The following GRHL2 variants were observed in gnomAD, a reference collection of about 807,000 sequenced individuals.
GRHL2 encodes grainyhead like transcription factor 2.
GRHL2 carries 21 observed loss-of-function variants against 83.8 expected under a neutral mutation model. That is an observed-to-expected ratio of 0.25 (90% CI 0.18 to 0.36). The LOEUF (loss-of-function observed/expected upper bound fraction) is 0.36, where lower values mean the gene tolerates loss of function less well. Among genes scored for constraint, GRHL2 ranks in the 10% least tolerant of loss-of-function variants. GRHL2 has a pLI of 1.00. For missense variants in GRHL2, 623 were observed against 781.8 expected (o/e 0.80, Z 2.42); for synonymous variants, 280 against 278.9 (o/e 1.00, Z -0.04).
chr8:101,633,434 G>T (rs984852901), intron 11 of GRHL2, among the ~76,000 whole-genome samples: 9 of 152,170 alleles, frequency 5.9e-5, no homozygotes, highest in African/African-American at 1.9e-4. Context: ...ATTGACCTTG[G>T]TGTAGAAAGA....
At chr8:101,627,031 G>A (rs1219481414) in intron 9 of GRHL2, among the ~76,000 whole-genome samples, 2 of 152,016 alleles carry the variant, frequency 1.3e-5, no homozygotes, top group Non-Finnish European at 2.9e-5. Flanking sequence ...TTTTGTAGAA[G>A]GGCCACCATC....
chr8:101,658,434 C>A (rs77522693), intron 14 of GRHL2, among the ~76,000 whole-genome samples: 3,372 of 152,258 alleles, frequency 0.022, 130 homozygotes, highest in African/African-American at 0.076. Context: ...TGAGAGACAG[C>A]GCTCACAAAA....
chr8:101,581,605 T>C (rs1185212456), intron 7 of GRHL2, among the ~76,000 whole-genome samples: 4 of 152,184 alleles, frequency 2.6e-5, no homozygotes, highest in Admixed American at 2.0e-4. Flanking sequence ...GATGGCCCCA[T>C]ATTAGTTAGT....
rs201233752 is a variant in GRHL2 at position 101,524,794 on chromosome 8, CT to C, written c.21-18444del. Among the ~76,000 whole-genome samples, 470 of 151,522 alleles carry C rather than the reference CT, an allele frequency of 3.1e-3. 2 individuals carry two copies. The highest frequency in any genetic ancestry group is 0.011 in the African/African-American group (439 of 41,276). ...ATGGGTACTTAAAAAATAATACTGG[CT>C]TTAAAAAAAAAATCCAGTTTGAAAG... On this transcript the variant is annotated intron_variant, in intron 1 of 15. Coordinates refer to ENST00000646743, the MANE Select transcript of GRHL2 (RefSeq NM_024915.4).
chr8:101,667,681 G>A lies in GRHL2; in HGVS notation c.*978G>A, dbSNP rs3735715. On this transcript the variant is annotated 3_prime_UTR_variant, in exon 16 of 16. Transcript: ENST00000646743. ...CTTGACTTTCCCTTTGCGCTGTCTC[G>A]TGGGAAAGGTCATTCTGTCTGAGAC... is the stretch of plus-strand genomic sequence containing the variant. The A allele has an allele frequency of 0.45, 68,526 of 152,320 alleles. 18,772 individuals are homozygous for A. The highest frequency in any genetic ancestry group is 0.6 in the Non-Finnish European group (40,798 of 67,988). The allele number at this position is 152,320 out of a possible 1,614,324, so 9.4% of individuals were successfully genotyped here. A position where few individuals can be genotyped will look rare whatever the true frequency, so the allele number is the denominator to read the frequency against.
Position 101,666,835 on chromosome 8 carries a change from G to A in GRHL2, c.*132G>A. On this transcript the variant is annotated 3_prime_UTR_variant, in exon 16 of 16. Coordinates refer to ENST00000646743, the MANE Select transcript of GRHL2 (RefSeq NM_024915.4). ...ACTGCTGTTACAAGACCGTGCTGGG[G>A]AGTGGGGCAAGGGACAGGCCCCACT... 2.8e-6 allele frequency: 2 copies of A among 717,744 alleles called. No individual in the cohort carries two copies. The highest frequency in any genetic ancestry group is 5.1e-6 in the Non-Finnish European group (2 of 391,760). The allele number at this position is 717,744 out of a possible 1,614,324, so 44.5% of individuals were successfully genotyped here.
At chr8:101,614,440 G>C (rs1399660945) in intron 8 of GRHL2, among the ~76,000 whole-genome samples, 1 of 151,050 alleles carries the variant, frequency 6.6e-6, no homozygotes, top group Non-Finnish European at 1.5e-5. Context: ...AAACAAGTAA[G>C]AGAGGTTTTA....
chr8:101,566,609 T>A (rs1439191741), intron 4 of GRHL2, among the ~76,000 whole-genome samples: 1 of 148,082 alleles, frequency 6.8e-6, no homozygotes, highest in Non-Finnish European at 1.5e-5. Context: ...TATATTATTA[T>A]AATTAATATA....
chr8:101,594,654 C>T (rs1056504570), intron 7 of GRHL2, among the ~76,000 whole-genome samples: 4 of 152,192 alleles, frequency 2.6e-5, no homozygotes, highest in Admixed American at 2.6e-4. Flanking sequence ...GGAGACTGAA[C>T]ACAAAGGGTA....
intron 14 of GRHL2, among the ~76,000 whole-genome samples, chr8:101,654,537 G>C (rs553498251): frequency 6.6e-6 from 1 of 152,166 alleles, no homozygotes; most frequent in African/African-American, 2.4e-5. Flanking sequence ...AGGTGTAAAA[G>C]AAAGTCTGAA....
intron 12 of GRHL2, among the ~76,000 whole-genome samples, chr8:101,640,699 G>C (rs538307521): frequency 5.9e-5 from 9 of 152,116 alleles, no homozygotes; most frequent in Non-Finnish European, 8.8e-5. Flanking sequence ...TTGCAGCAAG[G>C]TCCCTTCAAG....
intron 8 of GRHL2, among the ~76,000 whole-genome samples, chr8:101,601,177 CACACACACACACCCCA>C (rs1812503770): frequency 4.0e-5 from 6 of 151,318 alleles, no homozygotes; most frequent in African/African-American, 1.2e-4. Context: ...CACACACACA[CACACACACACACCCCA>C]CCACCACCAC....
At position 101,601,157 on chromosome 8, in the gene GRHL2, T is replaced by TC. The variant is rs1337456753; in HGVS notation, c.1098+2006_1098+2007insC. Among the ~76,000 whole-genome samples, 3 of 72,764 alleles carry TC rather than the reference T, an allele frequency of 4.1e-5. No homozygotes were observed. In the East Asian group the frequency reaches 7.4e-4, roughly 18 times the overall value. 47.7% of individuals were successfully genotyped at this position (72,764 alleles called of 152,430 possible). On this transcript the variant is annotated intron_variant, in intron 8 of 15. Transcript: ENST00000646743. ...CCTGGGTAACAGTATGAGACTGTCT[T>TC]AAACACACACACACACACACACACA...
intron 14 of GRHL2, among the ~76,000 whole-genome samples, chr8:101,653,434 C>T (rs552676998): frequency 1.7e-4 from 26 of 152,242 alleles, no homozygotes; most frequent in Admixed American, 7.2e-4. Context: ...ACATAGTCCC[C>T]TACTCATTAC....
At chr8:101,640,895 A>G (rs1354626121) in intron 12 of GRHL2, among the ~76,000 whole-genome samples, 2 of 152,186 alleles carry the variant, frequency 1.3e-5, no homozygotes, top group Non-Finnish European at 2.9e-5. Context: ...AAGGCACACC[A>G]CATACCATGA....
At chr8:101,605,894 C>G (rs1287255827) in intron 8 of GRHL2, among the ~76,000 whole-genome samples, 1 of 152,168 alleles carries the variant, frequency 6.6e-6, no homozygotes, top group Non-Finnish European at 1.5e-5. Flanking sequence ...CTTCATTTCC[C>G]CCATCTCTCT....
intron 12 of GRHL2, among the ~76,000 whole-genome samples, chr8:101,639,277 G>T (rs369083316): frequency 2.0e-5 from 3 of 151,702 alleles, no homozygotes; most frequent in Admixed American, 6.6e-5. Context: ...GAGTTTGAAT[G>T]AGTGACATGA....
chr8:101,587,806 T>C (rs548473611), intron 7 of GRHL2, among the ~76,000 whole-genome samples: 11 of 152,352 alleles, frequency 7.2e-5, no homozygotes, highest in African/African-American at 2.4e-4. Context: ...AACAAAACTA[T>C]AGAGCCGGTC....
intron 15 of GRHL2, 83 bp downstream of exon 15, chr8:101,664,601 T>C (rs1814004909): frequency 3.0e-6 from 3 of 986,770 alleles, no homozygotes; most frequent in Admixed American, 3.6e-5. Context: ...TGCCTGTCTT[T>C]TGTTAGGTCT....
Sources: gnomAD v4.1 joint callset for allele counts (sites outside exome capture counted in the v4.1 genomes callset) on GRCh38, gnomAD v4.1.1 for gene constraint, MANE v1.5 for transcripts, NCBI Gene and HGNC (gene_info 2026-07-23, HGNC 2026-07-21) for gene names.